The following RASA2 variants were observed in gnomAD, a reference collection of about 807,000 sequenced individuals.
RASA2 encodes the protein RAS p21 protein activator 2.
Under a neutral mutation model 118.2 loss-of-function variants are expected in RASA2, and 155 were observed. The observed-to-expected ratio is 1.31, with a 90% CI of 1.15 to 1.50. RASA2 has a LOEUF of 1.50. RASA2 is among the 40% of genes most tolerant of loss of function. RASA2 has a pLI of 0.00. For missense variants in RASA2, 1,016 were observed against 1,009.6 expected (o/e 1.01, Z -0.09); for synonymous variants, 353 against 349.1 (o/e 1.01, Z -0.12).
intron 15 of RASA2, among the ~76,000 whole-genome samples, chr3:141,578,082 A>G (rs2083041818): frequency 6.6e-6 from 1 of 152,188 alleles, no homozygotes; most frequent in South Asian, 2.1e-4. Context: ...GCTTTGTACT[A>G]GGCCTTGTTC....
intron 19 of RASA2, among the ~76,000 whole-genome samples, chr3:141,607,278 T>C (rs74730684): frequency 1.3e-5 from 2 of 152,142 alleles, no homozygotes; most frequent in Admixed American, 6.5e-5. Flanking sequence ...TAGGTAGTCA[T>C]AGTCACTGCT....
At chr3:141,611,835 T>C (rs2083656815) in intron 23 of RASA2, among the ~76,000 whole-genome samples, 1 of 152,202 alleles carries the variant, frequency 6.6e-6, no homozygotes, top group Admixed American at 6.5e-5. Flanking sequence ...TTAATGTAAT[T>C]GGTTCTCTTC....
intron 8 of RASA2, 52 bp from the exon 9 acceptor site, chr3:141,559,842 G>C (rs2082704073): frequency 1.4e-6 from 2 of 1,440,574 alleles, no homozygotes; most frequent in Non-Finnish European, 1.9e-6. Flanking sequence ...TTTGTGGTGT[G>C]AACTCTCTTA....
In RASA2 at chr3:141,536,857, C is replaced by T. The variant is rs572283267; in HGVS notation, c.451-3676C>T. 2.7e-5 allele frequency among the ~76,000 whole-genome samples: 4 copies of T among 150,612 alleles called. No homozygotes were observed. In the South Asian group the frequency reaches 8.4e-4, roughly 32 times the overall value. ...CTGCCTCCTGGGTTCAAGTGATTCT[C>T]CTGCCTCAGCCTCCCGAATAGCTGG... On this transcript the variant is annotated intron_variant, in intron 4 of 23. Transcript: ENST00000286364.
intron 5 of RASA2, among the ~76,000 whole-genome samples, chr3:141,549,484 C>CGT (rs56036122): frequency 0.19 from 27,060 of 145,164 alleles, 2,549 homozygotes; most frequent in Middle Eastern, 0.25. Flanking sequence ...TGTGTGTGTG[C>CGT]GTGTGTGTGT....
At chr3:141,589,701 C>T (rs2083258935) in intron 19 of RASA2, among the ~76,000 whole-genome samples, 1 of 151,932 alleles carries the variant, frequency 6.6e-6, no homozygotes, top group Non-Finnish European at 1.5e-5. Flanking sequence ...ATTAGCCAGG[C>T]GTGGTGGTGT....
intron 1 of RASA2, among the ~76,000 whole-genome samples, chr3:141,510,256 T>C (rs1017568045): frequency 6.6e-6 from 1 of 152,200 alleles, no homozygotes. Flanking sequence ...ATTGGTTTTA[T>C]GGTTCTTGGG....
At chr3:141,554,247 T>A (rs994910407) in intron 6 of RASA2, among the ~76,000 whole-genome samples, 1 of 152,204 alleles carries the variant, frequency 6.6e-6, no homozygotes, top group African/African-American at 2.4e-5. Flanking sequence ...GCATCAGCAT[T>A]CCTACTTTTC....
chr3:141,510,931 A>T (rs554545361), intron 1 of RASA2, among the ~76,000 whole-genome samples: 106 of 152,334 alleles, frequency 7.0e-4, no homozygotes, highest in African/African-American at 2.5e-3. Flanking sequence ...TATGTTTCAA[A>T]TATCACACTG....
intron 3 of RASA2, among the ~76,000 whole-genome samples, chr3:141,519,583 C>G (rs948240521): frequency 1.3e-5 from 2 of 152,182 alleles, no homozygotes; most frequent in Non-Finnish European, 2.9e-5. Flanking sequence ...TGTCACATTT[C>G]ACTCTCTTGA....
intron 5 of RASA2, among the ~76,000 whole-genome samples, chr3:141,545,891 T>G (rs1029619168): frequency 3.9e-5 from 6 of 152,206 alleles, no homozygotes; most frequent in African/African-American, 1.4e-4. Context: ...AACTTTGTTC[T>G]ACTCTCTGTT....
chr3:141,572,766 ATAG>A (rs1304443089), intron 12 of RASA2, 43 bp downstream of exon 12: 1 of 1,400,406 alleles, frequency 7.1e-7, no homozygotes, highest in East Asian at 2.3e-5. Context: ...TGGCCTTATG[ATAG>A]TTGTTCTTTT....
chr3:141,512,513 T>C (rs547077099), intron 2 of RASA2, among the ~76,000 whole-genome samples: 1 of 152,216 alleles, frequency 6.6e-6, no homozygotes, highest in Non-Finnish European at 1.5e-5. Context: ...GTTTGAACTT[T>C]CCTCAAAGTA....
chr3:141,562,067 C>T lies in RASA2; in HGVS notation c.863+2072C>T, dbSNP rs1275634028. Among the ~76,000 whole-genome samples, 3 of 151,880 alleles carry T rather than the reference C, an allele frequency of 2.0e-5. No individual in the cohort carries two copies. The East Asian group carries it at 5.9e-4, about 30-fold the overall frequency. On this transcript the variant is annotated intron_variant, in intron 9 of 23. Transcript: ENST00000286364. ...TCCCGGGTTCAAGTGATTCTCCTGC[C>T]TCAGCCTCCCAAGTAGCTGGGACTT...
At chr3:141,516,780 GTT>G (rs963937406) in intron 3 of RASA2, among the ~76,000 whole-genome samples, 1 of 140,878 alleles carries the variant, frequency 7.1e-6, no homozygotes. Context: ...CTCTTTTTTT[GTT>G]TTTTTTTTTG....
chr3:141,608,067 A>G (rs1003655275), intron 20 of RASA2, among the ~76,000 whole-genome samples: 16 of 151,700 alleles, frequency 1.1e-4, no homozygotes, highest in African/African-American at 3.7e-4. Context: ...ATGATATTCA[A>G]GTTTCTAAGT....
intron 4 of RASA2, among the ~76,000 whole-genome samples, chr3:141,534,558 G>T (rs2082301998): frequency 6.6e-6 from 1 of 151,404 alleles, no homozygotes; most frequent in Non-Finnish European, 1.5e-5. Flanking sequence ...TGAATTTCTG[G>T]ATCATGCCAT....
intron 1 of RASA2, among the ~76,000 whole-genome samples, chr3:141,498,141 G>A (rs890309621): frequency 3.3e-5 from 5 of 152,162 alleles, no homozygotes; most frequent in Admixed American, 2.0e-4. Context: ...GTTTCCAGAT[G>A]TTGTGTTAGG....
chr3:141,605,739 G>A (rs2083537674), intron 19 of RASA2, among the ~76,000 whole-genome samples: 1 of 150,586 alleles, frequency 6.6e-6, no homozygotes, highest in South Asian at 2.1e-4. Flanking sequence ...AGAGTGATGA[G>A]TTTCCTTAAC....
Sources: allele counts gnomAD v4.1 joint callset (sites outside exome capture counted in the v4.1 genomes callset), GRCh38; gene constraint gnomAD v4.1.1; transcripts MANE v1.5; gene names NCBI Gene and HGNC (gene_info 2026-07-23, HGNC 2026-07-21).